The following ADAM20 variants were observed in gnomAD, a reference collection of about 807,000 sequenced individuals.
ADAM20 encodes the protein ADAM metallopeptidase domain 20.
For synonymous variants in ADAM20, 305 were observed against 310.2 expected, an observed-to-expected ratio of 0.98 and a Z score of 0.18; for missense variants, 871 against 883.2, an observed-to-expected ratio of 0.99 and a Z score of 0.18.
chr14:70,577,777 T>C, the ADAM20 span, among the ~76,000 whole-genome samples: 1 of 152,108 alleles, frequency 6.6e-6, no homozygotes, highest in Admixed American at 6.6e-5. Flanking sequence ...GACTATTCAA[T>C]GGAAAAAATA....
At chr14:70,535,439 T>C (rs545395815), upstream of ADAM20, among the ~76,000 whole-genome samples, 4 of 152,188 alleles carry the variant, frequency 2.6e-5, no homozygotes, top group Non-Finnish European at 5.9e-5. Context: ...AGACTTGAAA[T>C]AGAGAATTCC....
At position 70,522,505 on chromosome 14, in the gene ADAM20, T is replaced by C; in HGVS notation, c.*72A>G. On this transcript the variant is annotated 3_prime_UTR_variant, in exon 2 of 2. Coordinates refer to ENST00000256389, the MANE Select transcript of ADAM20 (RefSeq NM_003814.5). ...ATTTAAACAGTGAGACATGGCTTCA[T>C]ATTTTTCTATTAAAAAATTGGATAT... 3 of 1,372,912 alleles carry C rather than the reference T, an allele frequency of 2.2e-6. No individual in the cohort carries two copies. Among genetic ancestry groups the C allele is most frequent in the Non-Finnish European group, 2.9e-6 (3 of 1,031,678 alleles). 85.0% of individuals were successfully genotyped at this position (1,372,912 alleles called of 1,614,324 possible). A position where few individuals can be genotyped will look rare whatever the true frequency, so the allele number is the denominator to read the frequency against.
In ADAM20 at chr14:70,522,624, C is replaced by A. The variant is rs746003526; in HGVS notation, c.2134G>T (p.Val712Leu). The change falls in exon 2 of 2, where the codon GTG becomes TTG. Residue 712 changes from valine (V) to leucine (L), a missense_variant. By Grantham distance (32) the Val-to-Leu change is conservative. Transcript: ENST00000256389. ...CTTTTTGTGCGTTTCTTAAAAAGCA[C>A]ATGTAAGCAAAATAATAAAAAAGCA... ...LVAFLLFCLH[V>L]LFKKRTKSKE... 5 of 1,613,540 alleles carry A rather than the reference C, an allele frequency of 3.1e-6. No individual in the cohort carries two copies. The highest frequency in any genetic ancestry group is 4.2e-6 in the Non-Finnish European group (5 of 1,179,762).
chr14:70,553,525 TAA>T, the ADAM20 span, among the ~76,000 whole-genome samples: 308 of 56,974 alleles, frequency 5.4e-3, 2 homozygotes, highest in African/African-American at 0.019. Flanking sequence ...GCAAAAATCC[TAA>T]AAAAAAAAAA....
At chr14:70,525,591 C>T (rs1883573145) in intron 1 of ADAM20, among the ~76,000 whole-genome samples, 1 of 152,096 alleles carries the variant, frequency 6.6e-6, no homozygotes, top group South Asian at 2.1e-4. Flanking sequence ...TACTGGCAAC[C>T]TGCACATTCA....
the ADAM20 span, among the ~76,000 whole-genome samples, chr14:70,561,243 T>C: frequency 1.3e-5 from 2 of 152,220 alleles, no homozygotes; most frequent in African/African-American, 4.8e-5. Context: ...TCTATGTAAC[T>C]TTGGACTTGA....
At chr14:70,555,267 C>A in the ADAM20 span, among the ~76,000 whole-genome samples, 1 of 151,566 alleles carries the variant, frequency 6.6e-6, no homozygotes, top group Non-Finnish European at 1.5e-5. Context: ...TGTGTTCGCA[C>A]CACAAAAAAA....
chr14:70,562,322 T>G, the ADAM20 span, among the ~76,000 whole-genome samples: 1 of 152,236 alleles, frequency 6.6e-6, no homozygotes, highest in Non-Finnish European at 1.5e-5. Context: ...AATGGGAGCA[T>G]GTATCTCCAT....
chr14:70,559,373 A>C, the ADAM20 span, among the ~76,000 whole-genome samples: 2 of 151,498 alleles, frequency 1.3e-5, no homozygotes, highest in African/African-American at 4.9e-5. Context: ...TTTAACCTTC[A>C]AAATCTAATC....
intron 1 of ADAM20, among the ~76,000 whole-genome samples, chr14:70,527,673 G>C (rs1883619542): frequency 6.6e-6 from 1 of 151,882 alleles, no homozygotes; most frequent in Non-Finnish European, 1.5e-5. Flanking sequence ...TCTCACAGAG[G>C]ATTAAGTTCT....
chr14:70,527,488 C>T (rs895249680), intron 1 of ADAM20, among the ~76,000 whole-genome samples: 1 of 152,162 alleles, frequency 6.6e-6, no homozygotes. Context: ...ATGGCTACCA[C>T]CTTGCCACTA....
the ADAM20 span, among the ~76,000 whole-genome samples, chr14:70,553,311 A>T: frequency 1.5e-5 from 1 of 68,732 alleles, no homozygotes; most frequent in Non-Finnish European, 2.6e-5. Flanking sequence ...GAGTATAATA[A>T]AAAAAAAAAA....
chr14:70,578,786 T>C, the ADAM20 span, among the ~76,000 whole-genome samples: 30 of 152,238 alleles, frequency 2.0e-4, no homozygotes, highest in African/African-American at 6.7e-4. Context: ...CTAATGATGC[T>C]GTTGCCGAAG....
rs1454152964 is a variant in ADAM20, at chr14:70,524,718, G to C, written c.40C>G (p.Leu14Val). ...AACATCCCAAACCAGAGCAGCAGAA[G>C]AGTGACCCTGATGTGCACCAGGGGC... ...GEPLVHIRVT[L>V]LLLWFGMFLS... is the part of the protein sequence containing the mutation. Residue 14 changes from leucine (L) to valine (V), a missense_variant, in exon 2 of 2, where the codon CTT becomes GTT. Coordinates refer to ENST00000256389, the MANE Select transcript of ADAM20 (RefSeq NM_003814.5). The C allele has an allele frequency of 1.2e-6, 2 of 1,613,982 alleles. No homozygotes were observed. Among genetic ancestry groups the C allele is most frequent in the South Asian group, 1.1e-5 (1 of 91,076 alleles).
the ADAM20 span, among the ~76,000 whole-genome samples, chr14:70,559,333 C>T: frequency 1.3e-5 from 2 of 149,888 alleles, no homozygotes. Flanking sequence ...CATCATACCA[C>T]ACAACCGATC....
In ADAM20 at chr14:70,523,254, AG is replaced by A; in HGVS notation, c.1503del (p.Phe502SerfsTer46). The A allele has an allele frequency of 6.2e-7, 1 of 1,614,038 alleles. No homozygotes were observed. Among genetic ancestry groups the A allele is most frequent in the Non-Finnish European group, 8.5e-7 (1 of 1,179,952 alleles). ...TTATTACACGTCTTTTCATAGCAGA[AG>A]GCATTCACATTACAGGAGATCCCGT... is the stretch of plus-strand genomic sequence containing the variant. ...VQDGISCNVN[A>X]FCYEKTCNNH... On this transcript the variant is annotated frameshift_variant, in exon 2 of 2. Coordinates refer to ENST00000256389, the MANE Select transcript of ADAM20 (RefSeq NM_003814.5). LOFTEE classifies it low-confidence loss of function (END_TRUNC).
At chr14:70,576,165 A>C in the ADAM20 span, among the ~76,000 whole-genome samples, 8 of 152,204 alleles carry the variant, frequency 5.3e-5, no homozygotes, top group African/African-American at 1.9e-4. Flanking sequence ...TTAATAAAAC[A>C]AAGATATCAA....
At chr14:70,529,803 G>A (rs1883670542) in intron 1 of ADAM20, among the ~76,000 whole-genome samples, 1 of 152,130 alleles carries the variant, frequency 6.6e-6, no homozygotes, top group Non-Finnish European at 1.5e-5. Context: ...GTACACTACT[G>A]TAAACTTTAT....
At chr14:70,564,179 C>G in the ADAM20 span, among the ~76,000 whole-genome samples, 1 of 152,252 alleles carries the variant, frequency 6.6e-6, no homozygotes, top group Non-Finnish European at 1.5e-5. Context: ...ACAGAGGGGG[C>G]AGGTAACTCT....
Sources: gnomAD v4.1 joint callset for allele counts (sites outside exome capture counted in the v4.1 genomes callset) on GRCh38, gnomAD v4.1.1 for gene constraint, MANE v1.5 for transcripts, NCBI Gene and HGNC (gene_info 2026-07-23, HGNC 2026-07-21) for gene names.